TOM1L2: variants seen among roughly 807,000 people sequenced by gnomAD.
The protein encoded by TOM1L2 is target of myb1 like 2 membrane trafficking protein, also known as TOM1-like protein 2.
TOM1L2 carries 31 observed loss-of-function variants against 67.9 expected under a neutral mutation model. The ratio of observed to expected loss-of-function variants is 0.46; its 90% confidence interval spans 0.34 to 0.62. The LOEUF is 0.62. Among genes scored for constraint, TOM1L2 ranks in the 20% least tolerant of loss-of-function variants. The pLI is 0.01. For synonymous variants in TOM1L2, 256 were observed against 254.0 expected, an observed-to-expected ratio of 1.01 and a Z score of -0.07; for missense variants, 606 against 663.5, an observed-to-expected ratio of 0.91 and a Z score of 0.95.
chr17:17,941,978 C>T (rs1293046998), intron 1 of TOM1L2, among the ~76,000 whole-genome samples: 2 of 152,198 alleles, frequency 1.3e-5, no homozygotes, highest in African/African-American at 4.8e-5. Flanking sequence ...AAGTCTCAGC[C>T]ACTTTCCCAC....
chr17:17,864,886 A>G (rs2036763994), intron 10 of TOM1L2, among the ~76,000 whole-genome samples: 1 of 152,234 alleles, frequency 6.6e-6, no homozygotes, highest in Admixed American at 6.5e-5. Context: ...AATAGTGGCT[A>G]CAAATATACG....
chr17:17,921,773 C>T (rs1277805857), intron 1 of TOM1L2, among the ~76,000 whole-genome samples: 1 of 152,038 alleles, frequency 6.6e-6, no homozygotes, highest in East Asian at 1.9e-4. Flanking sequence ...GTGGGATTCA[C>T]CTGTCCTGTC....
intron 1 of TOM1L2, among the ~76,000 whole-genome samples, chr17:17,931,621 A>C (rs1013459280): frequency 3.3e-5 from 5 of 152,244 alleles, no homozygotes; most frequent in Non-Finnish European, 5.9e-5. Context: ...ATCTCCCAGA[A>C]GACCTTACAC....
chr17:17,867,905 G>C (rs73979211), intron 8 of TOM1L2, among the ~76,000 whole-genome samples: 3,956 of 152,188 alleles, frequency 0.026, 157 homozygotes, highest in African/African-American at 0.078. Flanking sequence ...TTTAATCCTG[G>C]GGTACCTTTC....
At chr17:17,893,918 G>C in intron 3 of TOM1L2, 108 bp from the exon 4 acceptor site, 1 of 1,190,468 alleles carries the variant, frequency 8.4e-7, no homozygotes, top group Admixed American at 2.4e-5. Flanking sequence ...CTTGCTCCTA[G>C]ATCAGCTTTC....
rs914404877 is a variant in TOM1L2 at position 17,875,655 on chromosome 17, T to A, written c.777+3972A>T. Among the ~76,000 whole-genome samples the A allele has an allele frequency of 9.2e-5, 14 of 152,326 alleles. 1 individual carries two copies. In the East Asian group the frequency reaches 2.7e-3, roughly 29 times the overall value. The stretch of plus-strand genomic sequence containing the variant: ...AACTATTAGAACACCTTGGTAAATA[T>A]CCTCTTTTTTCTATCTAATTAATCC... On this transcript the variant is annotated intron_variant, in intron 7 of 14. Transcript: ENST00000379504.
chr17:17,946,731 A>T (rs1273364564), intron 1 of TOM1L2, among the ~76,000 whole-genome samples: 2 of 147,904 alleles, frequency 1.4e-5, no homozygotes, highest in East Asian at 3.9e-4. Flanking sequence ...TATTGATCTA[A>T]TTTTTTTTTT....
intron 12 of TOM1L2, among the ~76,000 whole-genome samples, chr17:17,852,864 TAAAAA>T (rs552138706): frequency 2.7e-5 from 1 of 37,722 alleles, no homozygotes; most frequent in Non-Finnish European, 5.3e-5. Flanking sequence ...AAACTCTGTC[TAAAAA>T]AAAAAAAAAA....
chr17:17,903,139 G>C (rs2144354390), intron 2 of TOM1L2, among the ~76,000 whole-genome samples: 1 of 152,202 alleles, frequency 6.6e-6, no homozygotes, highest in African/African-American at 2.4e-5. Context: ...CACTGCACTA[G>C]TCTCCGTAGC....
chr17:17,851,175 T>G, intron 12 of TOM1L2: 2 of 559,654 alleles, frequency 3.6e-6, no homozygotes. Flanking sequence ...AGAAGCAGGC[T>G]CCCGGCAGGG....
intron 1 of TOM1L2, among the ~76,000 whole-genome samples, chr17:17,942,433 G>T (rs1015545215): frequency 1.3e-5 from 2 of 152,096 alleles, no homozygotes; most frequent in African/African-American, 4.8e-5. Context: ...GTAAAATGGG[G>T]ATTAAAAACT....
intron 1 of TOM1L2, among the ~76,000 whole-genome samples, chr17:17,923,544 G>A (rs897675426): frequency 6.6e-6 from 1 of 151,892 alleles, no homozygotes; most frequent in African/African-American, 2.4e-5. Context: ...TTTTTAATTA[G>A]CTGGGCGCAG....
chr17:17,857,821 C>T, intron 12 of TOM1L2: 2 of 1,535,660 alleles, frequency 1.3e-6, no homozygotes, highest in South Asian at 1.2e-5. Flanking sequence ...AGACTCCCCA[C>T]CTCTACCTCT....
intron 6 of TOM1L2, among the ~76,000 whole-genome samples, chr17:17,881,328 C>T (rs1009965506): frequency 3.3e-5 from 5 of 152,154 alleles, no homozygotes; most frequent in Non-Finnish European, 2.9e-5. Flanking sequence ...GGGTGCTGAC[C>T]TGCCTACCTC....
At chr17:17,893,934 C>T (rs563327286) in intron 3 of TOM1L2, 124 bp from the exon 4 acceptor site, 32 of 973,252 alleles carry the variant, frequency 3.3e-5, no homozygotes, top group Admixed American at 8.0e-5. Flanking sequence ...CTTTCTGACA[C>T]GTCTCCTCCA....
intron 1 of TOM1L2, among the ~76,000 whole-genome samples, chr17:17,944,313 G>C (rs538473216): frequency 2.6e-5 from 4 of 152,344 alleles, no homozygotes; most frequent in African/African-American, 9.6e-5. Flanking sequence ...CCTGACCTTG[G>C]CTGAGGCAGC....
chr17:17,961,614 C>T (rs1480817495), intron 1 of TOM1L2, among the ~76,000 whole-genome samples: 2 of 152,038 alleles, frequency 1.3e-5, no homozygotes. Flanking sequence ...TGGCTTACAC[C>T]TGTAATCCCA....
intron 1 of TOM1L2, 100 bp from the exon 2 acceptor site, chr17:17,907,631 G>T: frequency 9.8e-7 from 1 of 1,018,070 alleles, no homozygotes; most frequent in Non-Finnish European, 1.5e-6. Context: ...CTTCTCCCAA[G>T]CAGATGGGCT....
chr17:17,874,230 A>T (rs1390128777), intron 7 of TOM1L2, among the ~76,000 whole-genome samples: 1 of 152,072 alleles, frequency 6.6e-6, no homozygotes, highest in South Asian at 2.1e-4. Context: ...CTGGGATTAC[A>T]GGCGTGAGCC....
Sources: allele counts gnomAD v4.1 joint callset (sites outside exome capture counted in the v4.1 genomes callset), GRCh38; gene constraint gnomAD v4.1.1; transcripts MANE v1.5; gene names NCBI Gene and HGNC (gene_info 2026-07-23, HGNC 2026-07-21).